The following NOS1AP variants were observed in gnomAD, a reference collection of about 807,000 sequenced individuals.
NOS1AP encodes carboxyl-terminal PDZ ligand of neuronal nitric oxide synthase protein.
A neutral mutation model predicts 56.2 loss-of-function variants in NOS1AP; 21 were observed. The observed-to-expected ratio is 0.37, with a 90% CI of 0.26 to 0.54. NOS1AP has a LOEUF of 0.54. NOS1AP is among the 20% of genes least tolerant of loss of function. NOS1AP has a pLI of 0.84. For synonymous variants in NOS1AP, 270 were observed against 274.6 expected (o/e 0.98, Z 0.17); for missense variants, 522 against 657.8 (o/e 0.79, Z 2.26).
At chr1:162,103,511 T>A (rs1475724398) in intron 1 of NOS1AP, among the ~76,000 whole-genome samples, 1 of 152,190 alleles carries the variant, frequency 6.6e-6, no homozygotes. Flanking sequence ...CTCAATGGTC[T>A]GTCTAATATT....
Position 162,175,973 on chromosome 1 carries a change from C to G in NOS1AP, c.177+21497C>G, listed in dbSNP as rs759527938. Among the ~76,000 whole-genome samples, 4 of 152,160 alleles carry G rather than the reference C, an allele frequency of 2.6e-5. No individual in the cohort carries two copies. In the East Asian group the frequency reaches 7.7e-4, roughly 29 times the overall value. ...ACCCCCATTGGAAACAATTTTTCAG[C>G]TCTAGTACAGTGCTTATGTACAGTT... On this transcript the variant is annotated intron_variant, in intron 2 of 9. Transcript: ENST00000361897.
chr1:162,193,802 T>C (rs977489759), intron 2 of NOS1AP, among the ~76,000 whole-genome samples: 1 of 152,210 alleles, frequency 6.6e-6, no homozygotes, highest in African/African-American at 2.4e-5. Flanking sequence ...GAGATCACTC[T>C]TTTCTCACCC....
intron 1 of NOS1AP, among the ~76,000 whole-genome samples, chr1:162,118,635 C>T (rs549291972): frequency 1.4e-4 from 22 of 152,248 alleles, no homozygotes; most frequent in African/African-American, 5.1e-4. Flanking sequence ...AACCCCAAAC[C>T]AAAAACACTC....
chr1:162,210,297 G>A (rs558693363), intron 2 of NOS1AP, among the ~76,000 whole-genome samples: 2 of 152,206 alleles, frequency 1.3e-5, no homozygotes, highest in African/African-American at 2.4e-5. Flanking sequence ...TCAAGAGCAC[G>A]GTGACTTCTC....
intron 5 of NOS1AP, among the ~76,000 whole-genome samples, chr1:162,336,101 C>T (rs1343010011): frequency 6.6e-6 from 1 of 152,182 alleles, no homozygotes; most frequent in Non-Finnish European, 1.5e-5. Flanking sequence ...TTCTTCTATA[C>T]TCTAGATTAT....
chr1:162,332,934 A>C, intron 4 of NOS1AP, 83 bp from the exon 5 acceptor site: 1 of 949,710 alleles, frequency 1.1e-6, no homozygotes. Flanking sequence ...TGTGCTTCAG[A>C]GTGTCCTTAA....
Position 162,367,578 on chromosome 1 carries a change from C to T in NOS1AP, c.*111C>T. On this transcript the variant is annotated 3_prime_UTR_variant, in exon 10 of 10. Transcript: ENST00000361897. This position sits in a 1 kb window ranked among gnomAD's most constrained non-coding sequence, Gnocchi z 6.5. ...GTGCACTGCCGAGGAGAATGCCAGCCAGGGCCCGGGAGAGTGTGAGGTTTC... is the reference window on the plus strand; with the variant it reads ...GTGCACTGCCGAGGAGAATGCCAGCTAGGGCCCGGGAGAGTGTGAGGTTTC... The T allele has an allele frequency of 8.2e-7, 1 of 1,224,384 alleles. No homozygotes were observed. The allele number at this position is 1,224,384 out of a possible 1,614,324, so 75.8% of individuals were successfully genotyped here.
chr1:162,098,168 G>A (rs1008256307), intron 1 of NOS1AP, among the ~76,000 whole-genome samples: 4 of 147,870 alleles, frequency 2.7e-5, no homozygotes, highest in Admixed American at 6.8e-5. Flanking sequence ...GTGCAGTAGC[G>A]GGGTCTCAGC....
At chr1:162,156,729 T>C (rs765269432) in intron 2 of NOS1AP, among the ~76,000 whole-genome samples, 1 of 152,214 alleles carries the variant, frequency 6.6e-6, no homozygotes, top group African/African-American at 2.4e-5. Context: ...TGCCAGGTGC[T>C]TTGTTAGGCT....
chr1:162,139,266 T>C (rs1571053041), intron 1 of NOS1AP, among the ~76,000 whole-genome samples: 1 of 151,952 alleles, frequency 6.6e-6, no homozygotes, highest in South Asian at 2.1e-4. Context: ...TGTTTCTGTT[T>C]GGTGCTGAAG....
chr1:162,101,037 C>T (rs186084474), intron 1 of NOS1AP, among the ~76,000 whole-genome samples: 1 of 152,220 alleles, frequency 6.6e-6, no homozygotes, highest in East Asian at 1.9e-4. Flanking sequence ...ATGGTGTTGC[C>T]TAGATTTTCT....
chr1:162,122,562 T>C (rs1571032706), intron 1 of NOS1AP, among the ~76,000 whole-genome samples: 2 of 151,418 alleles, frequency 1.3e-5, no homozygotes, highest in South Asian at 4.2e-4. Context: ...GGTTGGAGTG[T>C]AGTGGCATGA....
chr1:162,364,648 G>A lies in NOS1AP; in HGVS notation c.940-756G>A, dbSNP rs111849836. The A allele has an allele frequency of 3.3e-3, 3,275 of 985,550 alleles. 84 individuals carry two copies. In the African/African-American group the frequency reaches 0.052, roughly 16 times the overall value. The allele number at this position is 985,550 out of a possible 1,614,324, so 61.1% of individuals were successfully genotyped here. A position where few individuals can be genotyped will look rare whatever the true frequency, so the allele number is the denominator to read the frequency against. On this transcript the variant is annotated intron_variant, in intron 8 of 9. Transcript: ENST00000361897. Reference sequence around the variant, plus strand: ...AAATTGTTCACCTCAGCCCTTCTGGGCTGGTTGGAGGAGGCCCTCTCATGA... The same window carrying A: ...AAATTGTTCACCTCAGCCCTTCTGGACTGGTTGGAGGAGGCCCTCTCATGA...
At chr1:162,233,042 C>A (rs1653171335) in intron 2 of NOS1AP, among the ~76,000 whole-genome samples, 1 of 152,210 alleles carries the variant, frequency 6.6e-6, no homozygotes, top group African/African-American at 2.4e-5. Context: ...TGTAGTGGTT[C>A]TCAAACTTCA....
chr1:162,331,049 G>C (rs1204886000), intron 4 of NOS1AP, among the ~76,000 whole-genome samples: 1 of 152,150 alleles, frequency 6.6e-6, no homozygotes, highest in East Asian at 1.9e-4. Flanking sequence ...AGAAGCTTGA[G>C]AACCATTCAG....
At position 162,276,765 on chromosome 1, in the gene NOS1AP, A is replaced by G. The variant is rs533756669; in HGVS notation, c.178-10579A>G. Among the ~76,000 whole-genome samples, 4 of 152,278 alleles carry G rather than the reference A, an allele frequency of 2.6e-5. No homozygotes were observed. In the South Asian group the frequency reaches 8.3e-4, roughly 32 times the overall value. On this transcript the variant is annotated intron_variant, in intron 2 of 9. Coordinates refer to ENST00000361897, the MANE Select transcript of NOS1AP (RefSeq NM_014697.3). ...AGTCAATAACTTCAGATTCCCCTCC[A>G]TTCTGGGAACTTGTGTATTGGTTAC... is the stretch of plus-strand genomic sequence containing the variant.
intron 1 of NOS1AP, among the ~76,000 whole-genome samples, chr1:162,119,003 G>A (rs1187885949): frequency 6.6e-6 from 1 of 152,174 alleles, no homozygotes; most frequent in Non-Finnish European, 1.5e-5. Context: ...CCTATGATAA[G>A]AGCCACTTGT....
chr1:162,143,643 A>G (rs1394279821), intron 1 of NOS1AP, among the ~76,000 whole-genome samples: 3 of 151,930 alleles, frequency 2.0e-5, no homozygotes, highest in South Asian at 2.1e-4. Context: ...TTTATTTTTT[A>G]TAGAGATAGG....
intron 2 of NOS1AP, among the ~76,000 whole-genome samples, chr1:162,208,716 G>A (rs996145184): frequency 2.0e-5 from 3 of 152,204 alleles, no homozygotes; most frequent in Admixed American, 6.5e-5. Flanking sequence ...GATTAATTGT[G>A]TTTTAGACAC....
Sources: gnomAD v4.1 joint callset for allele counts (sites outside exome capture counted in the v4.1 genomes callset) on GRCh38, gnomAD v4.1.1 for gene constraint, Gnocchi (gnomAD v3.1) non-coding constraint, MANE v1.5 for transcripts, NCBI Gene and HGNC (gene_info 2026-07-23, HGNC 2026-07-21) for gene names.